BOLL: variants seen among roughly 807,000 people sequenced by gnomAD.
The protein encoded by BOLL is protein boule-like.
BOLL carries 23 observed loss-of-function variants against 44.4 expected under a neutral mutation model. The ratio of observed to expected loss-of-function variants is 0.52; its 90% CI spans 0.37 to 0.73. BOLL has a LOEUF of 0.73. Ranked by LOEUF, BOLL falls within the 30% of genes least tolerant of loss-of-function variation. The pLI is 0.00. For synonymous variants in BOLL, 97 were observed against 110.8 expected, an observed-to-expected ratio of 0.88 and a Z score of 0.78; for missense variants, 287 against 338.3, an observed-to-expected ratio of 0.85 and a Z score of 1.19.
chr2:197,743,561 T>C (rs929331072), intron 9 of BOLL, among the ~76,000 whole-genome samples: 5 of 152,204 alleles, frequency 3.3e-5, no homozygotes, highest in Non-Finnish European at 7.3e-5. Flanking sequence ...GTTTGTGATA[T>C]ACAAAATTTG....
intron 7 of BOLL, among the ~76,000 whole-genome samples, chr2:197,758,261 A>T (rs1346424814): frequency 6.6e-6 from 1 of 152,222 alleles, no homozygotes; most frequent in African/African-American, 2.4e-5. Flanking sequence ...AGTGTCCATC[A>T]TCTGATGAAT....
rs146247661 is a variant in BOLL at position 197,785,309 on chromosome 2, C to T, written c.-269G>A. The T allele has an allele frequency of 3.0e-6, 3 of 985,666 alleles. No individual in the cohort carries two copies. Among genetic ancestry groups the T allele is most frequent in the Non-Finnish European group, 3.6e-6 (3 of 829,910 alleles). 61.1% of individuals were successfully genotyped at this position (985,666 alleles called of 1,614,324 possible). A position where few individuals can be genotyped will look rare whatever the true frequency, so the allele number is the denominator to read the frequency against. On this transcript the variant is annotated 5_prime_UTR_variant, in exon 1 of 11. Coordinates refer to ENST00000392296, the MANE Select transcript of BOLL (RefSeq NM_033030.6). This position sits in a 1 kb window ranked among gnomAD's most constrained non-coding sequence, Gnocchi z 6.7. ...ACGGCAGCGACCCCGCCGCTGGCCT[C>T]GTGCGCAGCTGGTCCCCACCCTCGC... is the stretch of plus-strand genomic sequence containing the variant.
chr2:197,778,247 C>G (rs1451535954), intron 3 of BOLL, among the ~76,000 whole-genome samples: 1 of 151,908 alleles, frequency 6.6e-6, no homozygotes, highest in Non-Finnish European at 1.5e-5. Flanking sequence ...CCAATACCAC[C>G]TCAATGGGTC....
chr2:197,777,351 G>C (rs1327242736), intron 3 of BOLL, among the ~76,000 whole-genome samples: 1 of 151,818 alleles, frequency 6.6e-6, no homozygotes, highest in Non-Finnish European at 1.5e-5. Context: ...TCAGCTCTCA[G>C]CTGTATGCAG....
At chr2:197,784,401 T>C (rs111747471) in intron 1 of BOLL, among the ~76,000 whole-genome samples, 167 of 5,930 alleles carry the variant, frequency 0.028, 1 homozygote, top group African/African-American at 0.098. Context: ...CATATATATA[T>C]ATATATATAT....
At position 197,775,732 on chromosome 2, in the gene BOLL, T is replaced by C. The variant is rs1689480160; in HGVS notation, c.285A>G (p.Lys95=). ...DAQKILQEAE[K]LNYKDKKLNI... ...TCAGCTTCTTATCCTTATAATTAAG[T>C]TTTTCAGCCTAAAATAAAGAAAAAA... The change falls in exon 5 of 11, where the codon AAA becomes AAG. Residue 95 remains lysine, a synonymous_variant. Transcript: ENST00000392296. 1.3e-6 allele frequency: 2 copies of C among 1,520,264 alleles called. No homozygotes were observed. Among genetic ancestry groups the C allele is most frequent in the Non-Finnish European group, 1.8e-6 (2 of 1,126,240 alleles). 94.2% of individuals were successfully genotyped at this position (1,520,264 alleles called of 1,614,324 possible).
intron 8 of BOLL, 77 bp downstream of exon 8, chr2:197,757,276 C>A: frequency 7.8e-7 from 1 of 1,283,572 alleles, no homozygotes; most frequent in South Asian, 1.4e-5. Context: ...ATCTAAAAAA[C>A]TTTAGTATTC....
At position 197,781,747 on chromosome 2, in the gene BOLL, A is replaced by T; in HGVS notation, c.104T>A (p.Ile35Asn). 1 of 1,568,434 alleles carries T rather than the reference A, an allele frequency of 6.4e-7. No homozygotes were observed. Among genetic ancestry groups the T allele is most frequent in the Non-Finnish European group, 8.7e-7 (1 of 1,150,470 alleles). ...PRYGTVIPNR[I>N]FVGGIDFKTN... ...CTTAAAATCAATTCCTCCTACAAAG[A>T]TGCGATTAGGGATCACTGTTCCATA... Residue 35 changes from isoleucine to asparagine, a missense_variant, in exon 2 of 11, where the codon ATC becomes AAC. Physicochemically the swap from Ile to Asn is moderately radical, Grantham distance 149. Transcript: ENST00000392296.
chr2:197,785,460 G>T, upstream of BOLL: 1 of 877,502 alleles, frequency 1.1e-6, no homozygotes, highest in Non-Finnish European at 1.4e-6. This position sits in a 1 kb window ranked among gnomAD's most constrained non-coding sequence, Gnocchi z 6.7. Flanking sequence ...ACTGGCTTGG[G>T]TGCACAGCCA....
At chr2:197,745,535 A>T (rs1434486155) in intron 9 of BOLL, among the ~76,000 whole-genome samples, 1 of 152,224 alleles carries the variant, frequency 6.6e-6, no homozygotes, top group African/African-American at 2.4e-5. Flanking sequence ...CTGATATCAG[A>T]TATTAAAAAT....
At position 197,771,889 on chromosome 2, in the gene BOLL, G is replaced by A. The variant is rs1486397092; in HGVS notation, c.446C>T (p.Thr149Ile). The A allele has an allele frequency of 6.3e-7, 1 of 1,598,528 alleles. No individual in the cohort carries two copies. Among genetic ancestry groups the A allele is most frequent in the Non-Finnish European group, 8.5e-7 (1 of 1,172,568 alleles). The change falls in exon 6 of 11, where the codon ACT becomes ATT. Residue 149 changes from threonine to isoleucine, a missense_variant. Thr to Ile is a moderately conservative substitution (Grantham distance 89, BLOSUM62 -1). Transcript: ENST00000392296. ...TYHNGVAYFH[T>I]PEVTSVPPPW... ...CGGTGGGACCGAAGTTACCTCTGGAGTATGAAAATAAGCAACACCATTATG... is the reference window on the plus strand; with the variant it reads ...CGGTGGGACCGAAGTTACCTCTGGAATATGAAAATAAGCAACACCATTATG...
chr2:197,746,949 T>C (rs114555164), intron 9 of BOLL, among the ~76,000 whole-genome samples: 1,792 of 149,678 alleles, frequency 0.012, 39 homozygotes, highest in African/African-American at 0.042. Flanking sequence ...TGCCAGGGAC[T>C]GGGGATGGCG....
In BOLL at chr2:197,728,577, G is replaced by C; in HGVS notation, c.830C>G (p.Thr277Arg). 1 of 1,597,042 alleles carries C rather than the reference G, an allele frequency of 6.3e-7. No individual in the cohort carries two copies. Among genetic ancestry groups the C allele is most frequent in the Non-Finnish European group, 8.6e-7 (1 of 1,165,842 alleles). ...GTCTTAATAATGAATGCTCCACACTGTCTGTTAAGTAAAGAGAAAATATAG... is the reference window on the plus strand; with the variant it reads ...GTCTTAATAATGAATGCTCCACACTCTCTGTTAAGTAAAGAGAAAATATAG... ...APVMQPEPIK[T>R]VWSIHY Residue 277 changes from threonine (T) to arginine (R), a missense_variant and splice_region_variant, in exon 11 of 11, where the codon ACA becomes AGA. By Grantham distance (71) the Thr-to-Arg change is moderately conservative. Coordinates refer to ENST00000392296, the MANE Select transcript of BOLL (RefSeq NM_033030.6).
At chr2:197,781,640 T>G (rs1689789340) in intron 2 of BOLL, 82 bp downstream of exon 2, 4 of 1,243,778 alleles carry the variant, frequency 3.2e-6, no homozygotes, top group Non-Finnish European at 4.3e-6. Context: ...TATGTTATTT[T>G]ATAGTTGCAC....
chr2:197,774,894 A>T (rs1342266630), intron 5 of BOLL: 1 of 151,980 alleles, frequency 6.6e-6, no homozygotes, highest in Non-Finnish European at 1.5e-5. Flanking sequence ...AAAGCATAAC[A>T]GTCCAAATGA....
rs542201547 is a variant in BOLL at position 197,760,260 on chromosome 2, C to T, written c.553-2860G>A. Among the ~76,000 whole-genome samples, 121 of 152,302 alleles carry T rather than the reference C, an allele frequency of 7.9e-4. 2 individuals carry two copies. Among genetic ancestry groups the T allele is most frequent in the African/African-American group, 2.8e-3 (115 of 41,576 alleles). On this transcript the variant is annotated intron_variant, in intron 7 of 10. Coordinates refer to ENST00000392296, the MANE Select transcript of BOLL (RefSeq NM_033030.6). The stretch of plus-strand genomic sequence containing the variant: ...CGTGGGCCACCCCCAGCAGACATGC[C>T]CCTAGGCCAGGTGAGCAGTTGTGCA...
intron 9 of BOLL, among the ~76,000 whole-genome samples, chr2:197,754,135 AG>A (rs1219946088): frequency 6.6e-6 from 1 of 152,040 alleles, no homozygotes; most frequent in African/African-American, 2.4e-5. Context: ...AGGGCCTGTC[AG>A]GGGGTCGGGG....
intron 10 of BOLL, among the ~76,000 whole-genome samples, chr2:197,734,352 T>G (rs1413842945): frequency 6.6e-6 from 1 of 152,130 alleles, no homozygotes; most frequent in African/African-American, 2.4e-5. Context: ...GGAACACTTT[T>G]ACACTGTTGG....
chr2:197,754,594 G>T (rs1007135234), intron 9 of BOLL, among the ~76,000 whole-genome samples: 8 of 152,014 alleles, frequency 5.3e-5, no homozygotes, highest in African/African-American at 1.9e-4. Flanking sequence ...CGTGCCTGTA[G>T]TCCCAGCTAC....
Sources: allele counts gnomAD v4.1 joint callset (sites outside exome capture counted in the v4.1 genomes callset), GRCh38; gene constraint gnomAD v4.1.1; non-coding constraint Gnocchi (gnomAD v3.1); transcripts MANE v1.5; gene names NCBI Gene and HGNC (gene_info 2026-07-23, HGNC 2026-07-21).